The following KLHL1 variants were observed in gnomAD, a reference collection of about 807,000 sequenced individuals.
KLHL1 encodes the protein kelch like family member 1.
In KLHL1, 47 loss-of-function variants were observed where a neutral mutation model predicts 77.7. That is an observed-to-expected ratio of 0.60 (90% CI 0.48 to 0.77). KLHL1 has a LOEUF of 0.77. Ranked by LOEUF, KLHL1 falls within the 30% of genes least tolerant of loss-of-function variation. The pLI is 0.00. For missense variants in KLHL1, 925 were observed against 910.8 expected (o/e 1.02, Z -0.20); for synonymous variants, 360 against 325.2 (o/e 1.11, Z -1.15).
At chr13:69,903,862 G>A (rs1012833800) in intron 4 of KLHL1, among the ~76,000 whole-genome samples, 2 of 151,438 alleles carry the variant, frequency 1.3e-5, no homozygotes, top group Admixed American at 6.6e-5. Context: ...GGATGGTCTC[G>A]AACTCTTGAC....
chr13:69,921,313 C>G (rs1261363538), intron 4 of KLHL1, among the ~76,000 whole-genome samples: 1 of 152,182 alleles, frequency 6.6e-6, no homozygotes, highest in East Asian at 1.9e-4. Flanking sequence ...GGCATAATCC[C>G]TGTCCTCCAT....
chr13:70,041,933 G>C (rs1886388094), intron 1 of KLHL1, among the ~76,000 whole-genome samples: 1 of 152,068 alleles, frequency 6.6e-6, no homozygotes, highest in African/African-American at 2.4e-5. Context: ...GTGGGCTGCA[G>C]GTTTTTTGTT....
intron 4 of KLHL1, among the ~76,000 whole-genome samples, chr13:69,908,835 A>T (rs1224350318): frequency 6.6e-6 from 1 of 151,184 alleles, no homozygotes; most frequent in African/African-American, 2.4e-5. Context: ...TGTAGAGTTT[A>T]TTATAGTATA....
At chr13:69,821,071 G>T (rs902073300) in intron 6 of KLHL1, among the ~76,000 whole-genome samples, 2 of 151,960 alleles carry the variant, frequency 1.3e-5, no homozygotes, top group African/African-American at 4.8e-5. Flanking sequence ...GAAAGTTTAT[G>T]AACATTAAAA....
chr13:69,875,675 T>G (rs539766167), intron 5 of KLHL1, among the ~76,000 whole-genome samples: 1 of 152,058 alleles, frequency 6.6e-6, no homozygotes, highest in Admixed American at 6.6e-5. Context: ...CAAAACACTT[T>G]GTCTTTTCTT....
chr13:70,088,607 C>T (rs1887600272), intron 1 of KLHL1, among the ~76,000 whole-genome samples: 1 of 152,058 alleles, frequency 6.6e-6, no homozygotes, highest in Non-Finnish European at 1.5e-5. Context: ...CACTTGAGCC[C>T]AGGAGTTGGA....
Position 69,977,359 on chromosome 13 carries a change from CAAAT to C in KLHL1, c.498-1561_498-1558del, listed in dbSNP as rs142605018. Among the ~76,000 whole-genome samples, 407 of 151,546 alleles carry C rather than the reference CAAAT, an allele frequency of 2.7e-3. 2 individuals are homozygous for C. The highest frequency in any genetic ancestry group is 8.4e-3 in the African/African-American group (349 of 41,328). ...TCATATGAAAAAAATCAAATGGAAACAAATAAGGCAATACAATAATTTAAGATTT... is the reference window on the plus strand; with the variant it reads ...TCATATGAAAAAAATCAAATGGAAACAAGGCAATACAATAATTTAAGATTT... On this transcript the variant is annotated intron_variant, in intron 1 of 10. Coordinates refer to ENST00000377844, the MANE Select transcript of KLHL1 (RefSeq NM_020866.3).
intron 6 of KLHL1, among the ~76,000 whole-genome samples, chr13:69,816,004 A>G (rs1338093818): frequency 1.3e-5 from 2 of 152,024 alleles, no homozygotes; most frequent in Non-Finnish European, 2.9e-5. Flanking sequence ...AAGAGGAAAA[A>G]TAGAAACCTC....
At chr13:69,749,568 A>T (rs1231997085) in intron 7 of KLHL1, among the ~76,000 whole-genome samples, 4 of 152,036 alleles carry the variant, frequency 2.6e-5, no homozygotes, top group Non-Finnish European at 5.9e-5. Context: ...ATTGAAAGAA[A>T]CAAACTATCG....
chr13:70,108,278 C>A lies in KLHL1; in HGVS notation c.-579G>T, dbSNP rs1018230575. The A allele has an allele frequency of 1.9e-5, 7 of 371,568 alleles. No homozygotes were observed. The highest frequency in any genetic ancestry group is 3.3e-5 in the Non-Finnish European group (7 of 209,840). 23.0% of individuals were successfully genotyped at this position (371,568 alleles called of 1,614,324 possible). ...CCTGCGCCCCTGTCCCTGGCCTTTT[C>A]GAGGATGCCCCGATAGCCTGCCGGG... is the stretch of plus-strand genomic sequence containing the variant. On this transcript the variant is annotated 5_prime_UTR_variant, in exon 1 of 11. Coordinates refer to ENST00000377844, the MANE Select transcript of KLHL1 (RefSeq NM_020866.3).
intron 2 of KLHL1, among the ~76,000 whole-genome samples, chr13:69,972,722 C>G (rs908913353): frequency 5.3e-5 from 8 of 151,864 alleles, no homozygotes; most frequent in African/African-American, 1.7e-4. Flanking sequence ...GCAAAATGCT[C>G]TTACTCTTAA....
intron 1 of KLHL1, among the ~76,000 whole-genome samples, chr13:70,085,238 CG>C (rs1169290901): frequency 6.6e-6 from 1 of 151,980 alleles, no homozygotes; most frequent in East Asian, 1.9e-4. Context: ...AGAGAGAGAA[CG>C]GGAAGTGAGG....
intron 5 of KLHL1, among the ~76,000 whole-genome samples, chr13:69,844,517 T>A (rs2911504): frequency 0.92 from 140,185 of 151,578 alleles, 65,180 homozygotes; most frequent in East Asian, 0.99. Flanking sequence ...CTCTGACAAC[T>A]CTAATGACTT....
intron 8 of KLHL1, among the ~76,000 whole-genome samples, chr13:69,723,543 G>A (rs932635972): frequency 2.8e-4 from 42 of 151,926 alleles, no homozygotes; most frequent in Non-Finnish European, 4.0e-4. Flanking sequence ...AAATTCTAAG[G>A]CTCCCAATGA....
At chr13:69,788,591 A>G (rs892325736) in intron 7 of KLHL1, among the ~76,000 whole-genome samples, 15 of 152,148 alleles carry the variant, frequency 9.9e-5, no homozygotes, top group East Asian at 3.9e-4. Flanking sequence ...CAGCACACCA[A>G]CATGGCACAT....
intron 7 of KLHL1, among the ~76,000 whole-genome samples, chr13:69,770,825 T>A (rs922458938): frequency 6.6e-6 from 1 of 152,196 alleles, no homozygotes; most frequent in Non-Finnish European, 1.5e-5. Flanking sequence ...CTGGGCTCAC[T>A]GCAACCTCCG....
At chr13:70,069,951 G>C (rs929683200) in intron 1 of KLHL1, among the ~76,000 whole-genome samples, 1 of 151,874 alleles carries the variant, frequency 6.6e-6, no homozygotes, top group Non-Finnish European at 1.5e-5. Context: ...GGCAGATCAC[G>C]AGGTCAGTAG....
intron 10 of KLHL1, among the ~76,000 whole-genome samples, chr13:69,705,639 A>G (rs1875589359): frequency 6.6e-6 from 1 of 151,744 alleles, no homozygotes; most frequent in African/African-American, 2.4e-5. Flanking sequence ...AGTCTTAAAA[A>G]TATAAATAAT....
At chr13:69,760,907 G>A (rs1420762053) in intron 7 of KLHL1, among the ~76,000 whole-genome samples, 2 of 151,978 alleles carry the variant, frequency 1.3e-5, no homozygotes, top group East Asian at 3.9e-4. Context: ...TTTTCTGATT[G>A]CTGCTTCTGG....
Sources: gnomAD v4.1 joint callset for allele counts (sites outside exome capture counted in the v4.1 genomes callset) on GRCh38, gnomAD v4.1.1 for gene constraint, MANE v1.5 for transcripts, NCBI Gene and HGNC (gene_info 2026-07-23, HGNC 2026-07-21) for gene names.